HCN1: variants seen among roughly 807,000 people sequenced by gnomAD.
The protein encoded by HCN1 is potassium/sodium hyperpolarization-activated cyclic nucleotide-gated channel 1.
Under a neutral mutation model 78.9 loss-of-function variants are expected in HCN1, and 13 were observed. The observed-to-expected ratio is 0.16, with a 90% CI of 0.11 to 0.26. The LOEUF (loss-of-function observed/expected upper bound fraction) is 0.26. Among genes scored for constraint, HCN1 ranks in the 10% least tolerant of loss-of-function variants. The pLI, the probability that HCN1 is intolerant of heterozygous loss-of-function variation, is 1.00. For missense variants in HCN1, 810 were observed against 1,154.3 expected, an observed-to-expected ratio of 0.70 and a Z score of 4.32; for synonymous variants, 552 against 455.5, an observed-to-expected ratio of 1.21 and a Z score of -2.70.
intron 2 of HCN1, among the ~76,000 whole-genome samples, chr5:45,499,449 G>A (rs754354385): frequency 3.5e-4 from 53 of 152,098 alleles, no homozygotes; most frequent in Non-Finnish European, 6.2e-4. Context: ...GCTTCGGCTC[G>A]TGCACGGTGC....
intron 2 of HCN1, among the ~76,000 whole-genome samples, chr5:45,597,779 C>T (rs1744530685): frequency 6.6e-6 from 1 of 152,120 alleles, no homozygotes; most frequent in Non-Finnish European, 1.5e-5. Context: ...CAATAACAGA[C>T]AGACAGCCAA....
intron 5 of HCN1, among the ~76,000 whole-genome samples, chr5:45,350,993 A>G (rs1746887831): frequency 6.6e-6 from 1 of 152,180 alleles, no homozygotes; most frequent in African/African-American, 2.4e-5. Context: ...TCAAGCTACC[A>G]ATGACTGTCT....
At chr5:45,506,866 T>A (rs1037223617) in intron 2 of HCN1, among the ~76,000 whole-genome samples, 20 of 152,132 alleles carry the variant, frequency 1.3e-4, no homozygotes, top group African/African-American at 4.8e-4. Context: ...TAAAGAAACA[T>A]CATTAATATA....
chr5:45,319,987 G>A (rs373836030), intron 5 of HCN1, among the ~76,000 whole-genome samples: 26 of 151,898 alleles, frequency 1.7e-4, no homozygotes, highest in African/African-American at 5.8e-4. Context: ...ATTCTAAACA[G>A]TATATTTCTG....
chr5:45,586,482 G>A lies in HCN1; in HGVS notation c.849+58703C>T, dbSNP rs559516548. On this transcript the variant is annotated intron_variant, in intron 2 of 7. Coordinates refer to ENST00000303230, the MANE Select transcript of HCN1 (RefSeq NM_021072.4). ...ACCCCTTGCGCTTCCCGGGTGAGGC[G>A]ATGCCTCACCCTACTTCAGGTCACA... is the stretch of plus-strand genomic sequence containing the variant. 1.2e-3 allele frequency among the ~76,000 whole-genome samples: 187 copies of A among 152,170 alleles called. 1 individual carries two copies. Among genetic ancestry groups the A allele is most frequent in the African/African-American group, 3.9e-3 (162 of 41,526 alleles).
At chr5:45,494,897 A>G (rs1741989696) in intron 2 of HCN1, among the ~76,000 whole-genome samples, 2 of 151,686 alleles carry the variant, frequency 1.3e-5, no homozygotes, top group Non-Finnish European at 2.9e-5. Flanking sequence ...TTTGTCAAAG[A>G]TCAGATAGTT....
In HCN1 at chr5:45,262,553, G is replaced by T; in HGVS notation, c.2041C>A (p.Pro681Thr). The T allele has an allele frequency of 6.2e-7, 1 of 1,613,948 alleles. No homozygotes were observed. The highest frequency in any genetic ancestry group is 1.1e-5 in the South Asian group (1 of 91,064). The change falls in exon 8 of 8, where the codon CCC becomes ACC. Residue 681 changes from proline (P) to threonine (T), a missense_variant. Coordinates refer to ENST00000303230, the MANE Select transcript of HCN1 (RefSeq NM_021072.4). ...TGGGGGGTCTGTGTGCTGGGACTGGGGGAGTGCAGGTTGCTGTGAGACAGG... is the reference window on the plus strand; with the variant it reads ...TGGGGGGTCTGTGTGCTGGGACTGGTGGAGTGCAGGTTGCTGTGAGACAGG... Reference protein sequence around the residue: ...TSLSHSNLHSPSPSTQTPQPS... With the variant: ...TSLSHSNLHSTSPSTQTPQPS...
At chr5:45,484,132 ATAAAGAC>A (rs1477832686) in intron 2 of HCN1, among the ~76,000 whole-genome samples, 1 of 152,102 alleles carries the variant, frequency 6.6e-6, no homozygotes. Context: ...TTTCTGCAAA[ATAAAGAC>A]TCTAAAAACT....
intron 1 of HCN1, among the ~76,000 whole-genome samples, chr5:45,667,825 G>A (rs1265761469): frequency 6.6e-6 from 1 of 151,772 alleles, no homozygotes; most frequent in Non-Finnish European, 1.5e-5. Flanking sequence ...GTTCCCAGTT[G>A]CTAAAAAAAC....
At chr5:45,268,015 A>G (rs1744895075) in intron 6 of HCN1, among the ~76,000 whole-genome samples, 1 of 152,230 alleles carries the variant, frequency 6.6e-6, no homozygotes, top group Non-Finnish European at 1.5e-5. Flanking sequence ...GGTATAATCT[A>G]GGCAGAAGCC....
intron 1 of HCN1, among the ~76,000 whole-genome samples, chr5:45,674,786 T>C (rs1746232564): frequency 6.6e-6 from 1 of 151,678 alleles, no homozygotes. Context: ...TTCAATAAGA[T>C]ATGCATGGGC....
chr5:45,422,639 C>T (rs1740251808), intron 3 of HCN1, among the ~76,000 whole-genome samples: 1 of 152,190 alleles, frequency 6.6e-6, no homozygotes, highest in Admixed American at 6.5e-5. Flanking sequence ...TGCATGTAGA[C>T]AGACAAATAT....
chr5:45,540,176 TACTG>T (rs1743071663), intron 2 of HCN1, among the ~76,000 whole-genome samples: 1 of 151,952 alleles, frequency 6.6e-6, no homozygotes, highest in South Asian at 2.1e-4. Context: ...TTCAACTGCT[TACTG>T]ACTTTTTCAG....
chr5:45,438,502 A>T (rs1178261749), intron 3 of HCN1, among the ~76,000 whole-genome samples: 1 of 151,884 alleles, frequency 6.6e-6, no homozygotes, highest in African/African-American at 2.4e-5. Flanking sequence ...GAGGTAGGAG[A>T]ATGGCGTGAA....
chr5:45,426,566 A>T (rs1315491287), intron 3 of HCN1, among the ~76,000 whole-genome samples: 1 of 152,174 alleles, frequency 6.6e-6, no homozygotes, highest in African/African-American at 2.4e-5. Context: ...GCTGGCATGT[A>T]AGACATAACT....
At chr5:45,682,703 T>C (rs1739726684) in intron 1 of HCN1, among the ~76,000 whole-genome samples, 1 of 151,788 alleles carries the variant, frequency 6.6e-6, no homozygotes, top group South Asian at 2.1e-4. Flanking sequence ...TGATAAACAA[T>C]ACTCGAAGTA....
intron 4 of HCN1, among the ~76,000 whole-genome samples, chr5:45,382,329 G>A (rs1747827671): frequency 6.6e-6 from 1 of 152,150 alleles, no homozygotes; most frequent in Non-Finnish European, 1.5e-5. Flanking sequence ...TAAGCTGCAT[G>A]AAGACAGAGA....
At chr5:45,338,148 T>A (rs1182978731) in intron 5 of HCN1, among the ~76,000 whole-genome samples, 3 of 152,132 alleles carry the variant, frequency 2.0e-5, no homozygotes, top group Non-Finnish European at 4.4e-5. Flanking sequence ...CAGACTTAAC[T>A]GATAATGAAT....
At chr5:45,362,154 TTGTGTGTG>T (rs200176463) in intron 4 of HCN1, among the ~76,000 whole-genome samples, 7 of 142,562 alleles carry the variant, frequency 4.9e-5, no homozygotes, top group Non-Finnish European at 7.8e-5. Context: ...GTGTGTGTGT[TTGTGTGTG>T]TGTGTGTGTG....
Sources: allele counts gnomAD v4.1 joint callset (sites outside exome capture counted in the v4.1 genomes callset), GRCh38; gene constraint gnomAD v4.1.1; transcripts MANE v1.5; gene names NCBI Gene and HGNC (gene_info 2026-07-23, HGNC 2026-07-21).